Variants in YTHDC2 observed in about 807,000 individuals in gnomAD.
YTHDC2 encodes 3'-5' RNA helicase YTHDC2.
YTHDC2 carries 45 observed loss-of-function variants against 174.9 expected under a neutral mutation model. The observed-to-expected ratio is 0.26, with a 90% CI of 0.20 to 0.33. YTHDC2 has a LOEUF of 0.33. YTHDC2 is among the 10% of genes least tolerant of loss of function. The pLI, the probability that YTHDC2 is intolerant of heterozygous loss-of-function variation, is 1.00. For missense variants in YTHDC2, 1,650 were observed against 1,723.7 expected (o/e 0.96, Z 0.76); for synonymous variants, 657 against 574.5 (o/e 1.14, Z -2.05).
intron 12 of YTHDC2, among the ~76,000 whole-genome samples, chr5:113,551,958 G>A (rs1776278206): frequency 6.6e-6 from 1 of 152,090 alleles, no homozygotes; most frequent in Non-Finnish European, 1.5e-5. Flanking sequence ...ATTTATTTCA[G>A]TAATTTATGT....
At chr5:113,589,404 A>ATATATATATATATATATATAT (rs1437521528) in intron 26 of YTHDC2, among the ~76,000 whole-genome samples, 6 of 114,480 alleles carry the variant, frequency 5.2e-5, no homozygotes, top group African/African-American at 2.0e-4. Context: ...TTAAAAAAAA[A>ATATATATATATATATATATAT]AAAAATATAT....
At position 113,567,669 on chromosome 5, in the gene YTHDC2, G is replaced by A. The variant is rs749914307; in HGVS notation, c.3064G>A (p.Gly1022Ser). The A allele has an allele frequency of 6.2e-7, 1 of 1,600,424 alleles. No homozygotes were observed. The highest frequency in any genetic ancestry group is 1.3e-5 in the African/African-American group (1 of 74,246). Residue 1022 changes from glycine (G) to serine (S), a missense_variant, in exon 23 of 30, where the codon GGT becomes AGT. Coordinates refer to ENST00000161863, the MANE Select transcript of YTHDC2 (RefSeq NM_022828.5). ...TTCTTAATAGATTCCTCCAGCCAATGGTCAAGCTGCAGCAATTAAGGCACT... is the reference window on the plus strand; with the variant it reads ...TTCTTAATAGATTCCTCCAGCCAATAGTCAAGCTGCAGCAATTAAGGCACT... ...PQYKKIPPAN[G>S]QAAAIKALPT...
chr5:113,553,027 T>C (rs1366545637), intron 12 of YTHDC2, among the ~76,000 whole-genome samples, 154 bp from the exon 13 acceptor site: 3 of 152,096 alleles, frequency 2.0e-5, no homozygotes, highest in Admixed American at 6.6e-5. Context: ...CTTTGAATAA[T>C]GTGCTTGAAA....
chr5:113,575,653 A>G (rs1777995732), intron 23 of YTHDC2, among the ~76,000 whole-genome samples: 1 of 152,194 alleles, frequency 6.6e-6, no homozygotes, highest in Non-Finnish European at 1.5e-5. Context: ...GGGCAATGAT[A>G]AGGTTGAAAG....
intron 24 of YTHDC2, 112 bp from the exon 25 acceptor site, chr5:113,581,305 A>G: frequency 1.0e-6 from 1 of 980,738 alleles, no homozygotes; most frequent in Non-Finnish European, 1.4e-6. Context: ...AAATTATATG[A>G]AATGTGAAAT....
intron 4 of YTHDC2, among the ~76,000 whole-genome samples, chr5:113,529,708 T>G (rs1339990934): frequency 6.6e-6 from 1 of 152,162 alleles, no homozygotes; most frequent in Non-Finnish European, 1.5e-5. Context: ...TTTGATTTAT[T>G]TTTTAGAGTG....
chr5:113,550,079 A>G (rs1044436011), intron 12 of YTHDC2, among the ~76,000 whole-genome samples: 1 of 149,118 alleles, frequency 6.7e-6, no homozygotes, highest in African/African-American at 2.5e-5. Flanking sequence ...AATGTGCTTC[A>G]CAAAAAAGAA....
At chr5:113,581,248 A>G in intron 24 of YTHDC2, 169 bp from the exon 25 acceptor site, 1 of 565,984 alleles carries the variant, frequency 1.8e-6, no homozygotes, top group Non-Finnish European at 2.8e-6. Flanking sequence ...AAATATTATA[A>G]ATAAATTTTA....
At chr5:113,545,124 C>T (rs1193792577) in intron 10 of YTHDC2, among the ~76,000 whole-genome samples, 1 of 152,042 alleles carries the variant, frequency 6.6e-6, no homozygotes, top group Non-Finnish European at 1.5e-5. Flanking sequence ...TTATCTATTG[C>T]ATTAATAAGC....
intron 20 of YTHDC2, among the ~76,000 whole-genome samples, chr5:113,565,523 T>A (rs1346909809): frequency 6.6e-6 from 1 of 152,188 alleles, no homozygotes; most frequent in Non-Finnish European, 1.5e-5. Flanking sequence ...ATAGAGATTA[T>A]TTTTTGGAGG....
rs1779190048 is a variant in YTHDC2 at position 113,595,044 on chromosome 5, G to T, written c.*1570G>T. 6.6e-6 allele frequency: 1 copy of T among 151,790 alleles called. No homozygotes were observed. The highest frequency in any genetic ancestry group is 1.5e-5 in the Non-Finnish European group (1 of 67,952). The allele number at this position is 151,790 out of a possible 1,614,324, so 9.4% of individuals were successfully genotyped here. On this transcript the variant is annotated 3_prime_UTR_variant, in exon 30 of 30. Coordinates refer to ENST00000161863, the MANE Select transcript of YTHDC2 (RefSeq NM_022828.5). Reference sequence around the variant, plus strand: ...GGCTCTTTTCCTATTAGAGCAACTTGTGTTTCCCTGATAATGTGTACATTT... The same window carrying T: ...GGCTCTTTTCCTATTAGAGCAACTTTTGTTTCCCTGATAATGTGTACATTT...
At chr5:113,520,615 C>T (rs893097815) in intron 2 of YTHDC2, among the ~76,000 whole-genome samples, 2 of 151,726 alleles carry the variant, frequency 1.3e-5, no homozygotes, top group Non-Finnish European at 2.9e-5. Flanking sequence ...AAAGGATAGA[C>T]CTTGACCTGA....
intron 7 of YTHDC2, among the ~76,000 whole-genome samples, chr5:113,536,004 TC>T (rs1331395449): frequency 1.3e-5 from 2 of 152,218 alleles, no homozygotes; most frequent in African/African-American, 4.8e-5. Context: ...TGAGCCTAAT[TC>T]TCTTACCTTA....
chr5:113,568,095 C>A (rs1777467473), intron 23 of YTHDC2, among the ~76,000 whole-genome samples: 1 of 151,858 alleles, frequency 6.6e-6, no homozygotes, highest in African/African-American at 2.4e-5. Flanking sequence ...AGAAATTTTT[C>A]TTTTCCACTT....
chr5:113,589,936 T>C (rs1778919394), intron 26 of YTHDC2, among the ~76,000 whole-genome samples: 1 of 152,212 alleles, frequency 6.6e-6, no homozygotes, highest in South Asian at 2.1e-4. Context: ...TTTTGTCTTC[T>C]TGTTATCCAG....
At chr5:113,580,318 A>G (rs1173261888) in intron 24 of YTHDC2, among the ~76,000 whole-genome samples, 2 of 152,170 alleles carry the variant, frequency 1.3e-5, no homozygotes, top group Non-Finnish European at 2.9e-5. Flanking sequence ...AGTATTGAGT[A>G]TTGGGTACAC....
chr5:113,575,723 A>C (rs1455210230), intron 23 of YTHDC2, among the ~76,000 whole-genome samples: 1 of 152,178 alleles, frequency 6.6e-6, no homozygotes, highest in Non-Finnish European at 1.5e-5. Flanking sequence ...AAAAGGTTTT[A>C]AGTAAAGGAA....
intron 23 of YTHDC2, among the ~76,000 whole-genome samples, chr5:113,571,914 G>A (rs900369890): frequency 3.3e-5 from 5 of 151,948 alleles, no homozygotes; most frequent in African/African-American, 1.2e-4. Flanking sequence ...TTTTTAAAAA[G>A]AACCAGCTTT....
In YTHDC2 at chr5:113,541,028, C is replaced by T. The variant is rs761756339; in HGVS notation, c.1271C>T (p.Pro424Leu). ...TCAGCTCAAGAAAATAGTTTCAAGC[C>T]TGAATCTCAGAGGCAGAGAACTGTT... ...WYSAQENSFK[P>L]ESQRQRTVLN... The change falls in exon 9 of 30, where the codon CCT (proline) becomes CTT (leucine). Residue 424 changes from proline (P) to leucine (L), a missense_variant. This residue lies in a region of YTHDC2 where 411 missense variants were observed against 380.6 expected (regional missense o/e 1.08). Transcript: ENST00000161863. The T allele has an allele frequency of 1.9e-6, 3 of 1,614,016 alleles. No individual in the cohort carries two copies. Among genetic ancestry groups the T allele is most frequent in the Admixed American group, 3.3e-5 (2 of 60,010 alleles).
Sources: gnomAD v4.1 joint callset for allele counts (sites outside exome capture counted in the v4.1 genomes callset) on GRCh38, gnomAD v4.1.1 for gene constraint, gnomAD v4.1.1 regional missense constraint, MANE v1.5 for transcripts, NCBI Gene and HGNC (gene_info 2026-07-23, HGNC 2026-07-21) for gene names.